The following NBPF8 variants were observed in gnomAD, a reference collection of about 807,000 sequenced individuals.
NBPF8 encodes the protein NBPF family member NBPF8.
chr1:120,433,146 T>A (rs1377904511), upstream of NBPF8: 1 of 152,206 alleles, frequency 6.6e-6, no homozygotes, highest in Non-Finnish European at 1.5e-5. Flanking sequence ...ATCAACACAA[T>A]TCTGCTTAAT....
upstream of NBPF8, among the ~76,000 whole-genome samples, chr1:120,415,357 G>A (rs1660400801): frequency 5.3e-5 from 8 of 149,896 alleles, no homozygotes; most frequent in Non-Finnish European, 1.0e-4. Context: ...GCTGTCGCAA[G>A]TTTTGTTGCG....
At chr1:120,423,361 C>A (rs1178005418) in intron 1 of NBPF8, among the ~76,000 whole-genome samples, 1 of 107,570 alleles carries the variant, frequency 9.3e-6, no homozygotes, top group African/African-American at 5.1e-5. Context: ...TCTAGCACCA[C>A]TAGTTGGAAA....
upstream of NBPF8, among the ~76,000 whole-genome samples, chr1:120,419,333 A>G (rs1379730259): frequency 2.0e-5 from 3 of 152,362 alleles, no homozygotes; most frequent in African/African-American, 7.2e-5. Context: ...GATAGACCAG[A>G]TAGACCAGTA....
At chr1:120,456,292 A>G (rs1661434446) in intron 16 of NBPF8, among the ~76,000 whole-genome samples, 1 of 150,730 alleles carries the variant, frequency 6.6e-6, no homozygotes, top group Admixed American at 6.6e-5. Flanking sequence ...TGCTTGGTGG[A>G]GAGCTGAGTT....
At chr1:120,467,701 TTAA>T (rs1661777633) in exon 25 of NBPF8, 1 of 151,634 alleles carries the variant, frequency 6.6e-6, no homozygotes, top group African/African-American at 2.4e-5. Context: ...TTGTCCAAAG[TTAA>T]TTTTAATCTA....
At chr1:120,435,723 A>G (rs1327420060), upstream of NBPF8, among the ~76,000 whole-genome samples, 1 of 151,830 alleles carries the variant, frequency 6.6e-6, no homozygotes, top group African/African-American at 2.4e-5. Flanking sequence ...AAAATTAGCC[A>G]GGCGTGGTGG....
intron 7 of NBPF8, chr1:120,445,746 T>A (rs1194643864): frequency 1.2e-5 from 3 of 251,846 alleles, no homozygotes; most frequent in South Asian, 4.8e-5. Context: ...TTGTGAACAT[T>A]GTCTCAGAAA....
upstream of NBPF8, among the ~76,000 whole-genome samples, chr1:120,415,126 G>C (rs1410603459): frequency 1.3e-5 from 2 of 152,156 alleles, no homozygotes; most frequent in African/African-American, 2.4e-5. Flanking sequence ...TGAGGGTCGC[G>C]AGGCTGCGTG....
upstream of NBPF8, chr1:120,433,364 A>G (rs1553247292): frequency 7.2e-5 from 11 of 152,814 alleles, no homozygotes; most frequent in East Asian, 2.1e-3. Flanking sequence ...AAGTGAAAGA[A>G]TACAGACTCA....
At position 120,464,133 on chromosome 1, in the gene NBPF8, CTGTGTGTG is replaced by C. The variant is rs1169651864; in HGVS notation, n.3287-205_3287-198del. On this transcript the variant is annotated intron_variant and non_coding_transcript_variant, in intron 22 of 24. Transcript: ENST00000583271. ...GAGCTCGTTCTCTCTCTCTCTCTCT[CTGTGTGTG>C]TGTGTGTGTGTGTGTGTGTGTGTGT... is the stretch of plus-strand genomic sequence containing the variant. Among the ~76,000 whole-genome samples, 188 of 38,884 alleles carry C rather than the reference CTGTGTGTG, an allele frequency of 4.8e-3. 1 individual carries two copies. The highest frequency in any genetic ancestry group is 7.9e-3 in the East Asian group (13 of 1,640). The allele number at this position is 38,884 out of a possible 152,430, so 25.5% of individuals were successfully genotyped here.
At chr1:120,433,991 C>G, upstream of NBPF8, 2 of 169,188 alleles carry the variant, frequency 1.2e-5, no homozygotes, top group South Asian at 2.8e-4. Context: ...AGATGGAAGG[C>G]GGGTCCTTGT....
chr1:120,422,062 T>TA (rs1325325080), intron 1 of NBPF8, among the ~76,000 whole-genome samples: 5 of 151,646 alleles, frequency 3.3e-5, no homozygotes, highest in African/African-American at 9.7e-5. Flanking sequence ...GCATCCTAAT[T>TA]AAAAAAAAGT....
chr1:120,424,730 G>A (rs1475049097), intron 1 of NBPF8, among the ~76,000 whole-genome samples: 8 of 145,148 alleles, frequency 5.5e-5, no homozygotes, highest in South Asian at 2.3e-4. Flanking sequence ...TTACAGACAC[G>A]AGCCACGGCC....
At chr1:120,459,753 C>A (rs1661524030) in intron 17 of NBPF8, among the ~76,000 whole-genome samples, 1 of 152,214 alleles carries the variant, frequency 6.6e-6, no homozygotes, top group African/African-American at 2.4e-5. Flanking sequence ...CATGCCCGTG[C>A]CAACCTGGAC....
chr1:120,422,188 T>G (rs1660595798), intron 1 of NBPF8, among the ~76,000 whole-genome samples: 1 of 152,228 alleles, frequency 6.6e-6, no homozygotes, highest in South Asian at 2.1e-4. Context: ...ATTAGTATGT[T>G]GTATTAGTGT....
chr1:120,466,148 A>G, exon 25 of NBPF8: 1 of 1,610,276 alleles, frequency 6.2e-7, no homozygotes, highest in Non-Finnish European at 8.5e-7. Flanking sequence ...CTTGACATGG[A>G]CAATAGGTTC....
rs1336835563 is a variant in NBPF8 at position 120,423,390 on chromosome 1, A to T, written n.270-2357A>T. Reference sequence around the variant, plus strand: ...TTGGAAAGGCTATCTTTGCTGCTTTAAATTGTCTCTAAACCTCCATGGAAG... The same window carrying T: ...TTGGAAAGGCTATCTTTGCTGCTTTTAATTGTCTCTAAACCTCCATGGAAG... On this transcript the variant is annotated intron_variant and non_coding_transcript_variant, in intron 1 of 28. Coordinates refer to the NBPF8 transcript ENST00000652355. 1.4e-4 allele frequency among the ~76,000 whole-genome samples: 15 copies of T among 107,634 alleles called. 6 individuals are homozygous for T. Among genetic ancestry groups the T allele is most frequent in the Non-Finnish European group, 2.8e-4 (15 of 53,092 alleles). The allele number at this position is 107,634 out of a possible 152,430, so 70.6% of individuals were successfully genotyped here.
chr1:120,432,535 TA>T (rs1660908795), upstream of NBPF8: 1 of 151,076 alleles, frequency 6.6e-6, no homozygotes, highest in Admixed American at 6.6e-5. Flanking sequence ...AAATGTCCAA[TA>T]ATAAGTGAAA....
chr1:120,431,399 T>G (rs1411636048), upstream of NBPF8, among the ~76,000 whole-genome samples: 1 of 59,048 alleles, frequency 1.7e-5, no homozygotes, highest in Non-Finnish European at 3.8e-5. Flanking sequence ...TATATATATA[T>G]ATACAGACAC....
Sources: gnomAD v4.1 joint callset for allele counts (sites outside exome capture counted in the v4.1 genomes callset) on GRCh38, gnomAD v4.1.1 for gene constraint, MANE v1.5 for transcripts, NCBI Gene and HGNC (gene_info 2026-07-23, HGNC 2026-07-21) for gene names.